Variants in AP3M2 observed in about 807,000 individuals in gnomAD.
AP3M2 encodes the protein AP-3 complex subunit mu-2.
In AP3M2, 28 loss-of-function variants were observed where a neutral mutation model predicts 41.6. The observed-to-expected ratio is 0.67, with a 90% confidence interval of 0.50 to 0.92. AP3M2 has a LOEUF of 0.92. AP3M2 is among the 40% of genes least tolerant of loss of function. The pLI is 0.00. For missense variants in AP3M2, 427 were observed against 521.4 expected, an observed-to-expected ratio of 0.82 and a Z score of 1.76; for synonymous variants, 193 against 186.4, an observed-to-expected ratio of 1.04 and a Z score of -0.29.
At position 42,162,943 on chromosome 8, in the gene AP3M2, C is replaced by CAAAAAA. The variant is rs67923954; in HGVS notation, c.583+548_583+553dup. Among the ~76,000 whole-genome samples, 194 of 54,108 alleles carry CAAAAAA rather than the reference C, an allele frequency of 3.6e-3. 6 individuals are homozygous for CAAAAAA. Among genetic ancestry groups the CAAAAAA allele is most frequent in the Non-Finnish European group, 4.8e-3 (140 of 28,898 alleles). The allele number at this position is 54,108 out of a possible 152,430, so 35.5% of individuals were successfully genotyped here. A position where few individuals can be genotyped will look rare whatever the true frequency, so the allele number is the denominator to read the frequency against. On this transcript the variant is annotated intron_variant, in intron 4 of 8. Coordinates refer to ENST00000396926, the MANE Select transcript of AP3M2 (RefSeq NM_006803.4). ...CCTGGGCAACAGCAAGACCCTGTCT[C>CAAAAAA]AAAAAAAAAAAAAAAAAAAAAAAAA...
intron 4 of AP3M2, among the ~76,000 whole-genome samples, chr8:42,162,839 G>C (rs575407307): frequency 6.6e-6 from 1 of 150,650 alleles, no homozygotes; most frequent in Non-Finnish European, 1.5e-5. Context: ...CTAACTTTGT[G>C]AGGGGCTGAG....
At chr8:42,164,974 G>A in intron 4 of AP3M2, 97 bp from the exon 5 acceptor site, 2 of 1,021,434 alleles carry the variant, frequency 2.0e-6, no homozygotes, top group South Asian at 1.6e-5. Context: ...AGGAAGGTGA[G>A]GGAGAGAGGA....
rs752525542 is a variant in AP3M2 at position 42,167,726 on chromosome 8, A to G, written c.1072A>G (p.Met358Val). The G allele has an allele frequency of 4.3e-6, 7 of 1,614,190 alleles. No individual in the cohort carries two copies. Among genetic ancestry groups the G allele is most frequent in the East Asian group, 2.2e-5 (1 of 44,886 alleles). Residue 358 changes from methionine to valine, a missense_variant, in exon 8 of 9, where the codon ATG becomes GTG. Met to Val is a conservative substitution (Grantham distance 21). Around this residue, in one of 3 missense-constraint regions of AP3M2, gnomAD observed 237 missense variants for 284.9 expected, o/e 0.83. Transcript: ENST00000396926. ...AAAGCTACCAAGTTTGAAGGGGACC[A>G]TGAGTCTTCAGGCTGGAGCTTCCAA... ...PQKLPSLKGT[M>V]SLQAGASKPD...
At chr8:42,156,433 G>GA (rs1331962961) in intron 2 of AP3M2, among the ~76,000 whole-genome samples, 8 of 152,172 alleles carry the variant, frequency 5.3e-5, no homozygotes, top group African/African-American at 1.9e-4. Flanking sequence ...AATGTGACAG[G>GA]AGCGGCCCCG....
chr8:42,163,190 G>A (rs143030268), intron 4 of AP3M2, among the ~76,000 whole-genome samples: 50 of 152,214 alleles, frequency 3.3e-4, no homozygotes, highest in African/African-American at 1.1e-3. Flanking sequence ...GGAGGCTGAG[G>A]TGAGAGGATC....
chr8:42,166,708 A>C (rs756092836), intron 6 of AP3M2, among the ~76,000 whole-genome samples: 1 of 151,858 alleles, frequency 6.6e-6, no homozygotes, highest in East Asian at 1.9e-4. Context: ...TCGAGGCTGC[A>C]GTGAGCTATG....
intron 4 of AP3M2, among the ~76,000 whole-genome samples, chr8:42,162,833 C>G (rs535405401): frequency 1.4e-5 from 2 of 147,678 alleles, no homozygotes; most frequent in African/African-American, 5.0e-5. Flanking sequence ...GTATTCCTAA[C>G]TTTGTGAGGG....
chr8:42,155,632 T>C (rs77000896), intron 2 of AP3M2: 2,151 of 164,340 alleles, frequency 0.013, 54 homozygotes, highest in African/African-American at 0.049. Context: ...CACGACACCA[T>C]TTGCAGCACA....
intron 8 of AP3M2, among the ~76,000 whole-genome samples, chr8:42,168,406 G>T (rs1208957248): frequency 2.0e-5 from 3 of 152,072 alleles, no homozygotes; most frequent in Non-Finnish European, 4.4e-5. Flanking sequence ...GATGACTTTA[G>T]CTTTATATGA....
intron 1 of AP3M2, 146 bp downstream of exon 1, chr8:42,153,251 G>C (rs1050607573): frequency 1.3e-5 from 2 of 152,264 alleles, no homozygotes; most frequent in South Asian, 2.1e-4. Context: ...TTCAGAGTTC[G>C]GGGAGGGCGT....
rs1204258175 is a variant in AP3M2, at chr8:42,165,170, C to T, written c.669+14C>T. On this transcript the variant is annotated intron_variant, in intron 5 of 8. Coordinates refer to ENST00000396926, the MANE Select transcript of AP3M2 (RefSeq NM_006803.4). ...CTTTCCTTCATGGTAAAATCCTGGG[C>T]CAGAGATTAAGTTCTTGGGATGAGA... is the stretch of plus-strand genomic sequence containing the variant. The T allele has an allele frequency of 6.2e-7, 1 of 1,610,256 alleles. No homozygotes were observed. The highest frequency in any genetic ancestry group is 8.5e-7 in the Non-Finnish European group (1 of 1,177,326).
chr8:42,167,473 C>G, intron 7 of AP3M2, 102 bp downstream of exon 7: 1 of 1,439,364 alleles, frequency 6.9e-7, no homozygotes, highest in Non-Finnish European at 9.5e-7. Context: ...TGAGATGAGT[C>G]AAAGGGACCT....
intron 2 of AP3M2, chr8:42,156,133 T>C (rs550921040): frequency 2.4e-6 from 1 of 422,832 alleles, no homozygotes; most frequent in Non-Finnish European, 4.7e-6. Context: ...GATTTCCACG[T>C]GTGATACTTT....
chr8:42,167,842 G>T, intron 8 of AP3M2, 32 bp downstream of exon 8: 1 of 1,583,640 alleles, frequency 6.3e-7, no homozygotes, highest in Non-Finnish European at 8.5e-7. Context: ...AGGCTCCAAA[G>T]GGAACAAAAA....
chr8:42,165,620 A>G (rs1804620972), intron 6 of AP3M2, 60 bp downstream of exon 6: 1 of 1,577,330 alleles, frequency 6.3e-7, no homozygotes, highest in Non-Finnish European at 8.6e-7. Flanking sequence ...TGGAAACCGT[A>G]TCTGTGGTGA....
chr8:42,166,441 A>G lies in AP3M2; in HGVS notation c.804-723A>G, dbSNP rs536924959. Among the ~76,000 whole-genome samples, 392 of 152,158 alleles carry G rather than the reference A, an allele frequency of 2.6e-3. 1 individual carries two copies. The highest frequency in any genetic ancestry group is 8.9e-3 in the African/African-American group (370 of 41,490). On this transcript the variant is annotated intron_variant, in intron 6 of 8. Transcript: ENST00000396926. Reference sequence around the variant, plus strand: ...TCTCTGAATCCTTTTCTTCTGTCAAATCATGACAGCCTACCCTACCTTATG... The same window carrying G: ...TCTCTGAATCCTTTTCTTCTGTCAAGTCATGACAGCCTACCCTACCTTATG...
At chr8:42,161,130 C>T (rs1417899059) in intron 3 of AP3M2, among the ~76,000 whole-genome samples, 1 of 151,966 alleles carries the variant, frequency 6.6e-6, no homozygotes, top group Non-Finnish European at 1.5e-5. Context: ...TGATGAAACC[C>T]TGTCTTTACA....
intron 1 of AP3M2, chr8:42,153,416 G>C (rs1804262072): frequency 1.3e-5 from 2 of 152,256 alleles, no homozygotes; most frequent in African/African-American, 2.4e-5. Context: ...CGCGGCCTCC[G>C]TCGCCGCCGG....
chr8:42,167,708 C>A lies in AP3M2; in HGVS notation c.1054C>A (p.Pro352Thr). The A allele has an allele frequency of 6.2e-7, 1 of 1,613,354 alleles. No homozygotes were observed. ...AGGAAAAATAAATCCACAAAAGCTA[C>A]CAAGTTTGAAGGGGACCATGAGTCT... ...DVGKINPQKL[P>T]SLKGTMSLQA... The change falls in exon 8 of 9, where the codon CCA becomes ACA. Residue 352 changes from proline to threonine, a missense_variant. Physicochemically the swap from Pro to Thr is conservative, Grantham distance 38. Transcript: ENST00000396926.
Sources: gnomAD v4.1 joint callset for allele counts (sites outside exome capture counted in the v4.1 genomes callset) on GRCh38, gnomAD v4.1.1 for gene constraint, gnomAD v4.1.1 regional missense constraint, MANE v1.5 for transcripts, NCBI Gene and HGNC (gene_info 2026-07-23, HGNC 2026-07-21) for gene names.